The following CBL variants were observed in gnomAD, a reference collection of about 807,000 sequenced individuals.
CBL encodes E3 ubiquitin-protein ligase CBL.
In CBL, 45 loss-of-function variants were observed where a neutral mutation model predicts 96.9. The ratio of observed to expected loss-of-function variants is 0.46; its 90% CI spans 0.37 to 0.60. The LOEUF (loss-of-function observed/expected upper bound fraction) is 0.60, where lower values mean the gene tolerates loss of function less well. Ranked by LOEUF, CBL falls within the 20% of genes least tolerant of loss-of-function variation. The pLI is 0.00. For synonymous variants in CBL, 420 were observed against 426.8 expected (o/e 0.98, Z 0.20); for missense variants, 1,024 against 1,143.5 (o/e 0.90, Z 1.51).
intron 2 of CBL, among the ~76,000 whole-genome samples, chr11:119,270,468 A>T (rs1225337609): frequency 2.2e-5 from 1 of 45,402 alleles, no homozygotes. Flanking sequence ...TTTTTTTGAG[A>T]CGGAGTCTCG....
intron 1 of CBL, among the ~76,000 whole-genome samples, chr11:119,218,424 A>G (rs142518490): frequency 2.6e-5 from 4 of 152,304 alleles, no homozygotes; most frequent in Admixed American, 2.6e-4. Flanking sequence ...ATACTAAAAC[A>G]TTTACAGTAG....
At chr11:119,216,617 G>C (rs2135253084) in intron 1 of CBL, among the ~76,000 whole-genome samples, 2 of 152,154 alleles carry the variant, frequency 1.3e-5, no homozygotes, top group African/African-American at 4.8e-5. Flanking sequence ...TGATCCGCCT[G>C]CCTCGGCCTC....
intron 1 of CBL, among the ~76,000 whole-genome samples, chr11:119,206,912 G>A (rs1325105751): frequency 6.6e-6 from 1 of 152,122 alleles, no homozygotes; most frequent in East Asian, 1.9e-4. Context: ...CAGTGGGGCG[G>A]AAGTACAATG....
intron 1 of CBL, among the ~76,000 whole-genome samples, chr11:119,212,411 A>T (rs991108112): frequency 2.0e-5 from 3 of 151,484 alleles, no homozygotes; most frequent in Non-Finnish European, 4.4e-5. Flanking sequence ...GGATCACCTG[A>T]GGTCAGGAGT....
At chr11:119,227,541 C>T (rs1479527438) in intron 1 of CBL, among the ~76,000 whole-genome samples, 1 of 151,704 alleles carries the variant, frequency 6.6e-6, no homozygotes, top group Non-Finnish European at 1.5e-5. Context: ...CTATAGTGAA[C>T]CTTATAATTT....
intron 12 of CBL, chr11:119,289,416 C>G (rs1380469992): frequency 6.6e-6 from 1 of 151,986 alleles, no homozygotes; most frequent in Non-Finnish European, 1.5e-5. Context: ...TTTATTATAA[C>G]CAAATACCTC....
At chr11:119,242,712 C>T (rs1214055788) in intron 2 of CBL, among the ~76,000 whole-genome samples, 1 of 143,232 alleles carries the variant, frequency 7.0e-6, no homozygotes, top group Non-Finnish European at 1.5e-5. Context: ...GCACTATAGC[C>T]TTGGTGACTG....
At chr11:119,211,992 T>C (rs1949322630) in intron 1 of CBL, among the ~76,000 whole-genome samples, 1 of 152,196 alleles carries the variant, frequency 6.6e-6, no homozygotes, top group Non-Finnish European at 1.5e-5. Context: ...TGATCTCGGC[T>C]CACTGCAGCC....
Position 119,306,895 on chromosome 11 carries a change from A to G in CBL, c.*7114A>G, listed in dbSNP as rs1325151664. 1.3e-5 allele frequency: 3 copies of G among 230,042 alleles called. No homozygotes were observed. The Admixed American group carries it at 1.7e-4, about 13-fold the overall frequency. The allele number at this position is 230,042 out of a possible 1,614,324, so 14.3% of individuals were successfully genotyped here. On this transcript the variant is annotated 3_prime_UTR_variant, in exon 16 of 16. Coordinates refer to ENST00000264033, the MANE Select transcript of CBL (RefSeq NM_005188.4). ...GTGGTGACTTGGGATTTTTAACCTTATATATCTTTTTCCTTTACTCAAAAC... is the reference window on the plus strand; with the variant it reads ...GTGGTGACTTGGGATTTTTAACCTTGTATATCTTTTTCCTTTACTCAAAAC...
chr11:119,249,733 C>T (rs1592385920), intron 2 of CBL, among the ~76,000 whole-genome samples: 1 of 151,528 alleles, frequency 6.6e-6, no homozygotes, highest in East Asian at 1.9e-4. Context: ...TGACTCACTG[C>T]AGTCTCAGCC....
intron 1 of CBL, among the ~76,000 whole-genome samples, chr11:119,225,073 T>TGTGC (rs1555226182): frequency 6.0e-5 from 9 of 151,150 alleles, no homozygotes; most frequent in African/African-American, 2.2e-4. Context: ...TGTGTGTGTG[T>TGTGC]GCGCGCGCTT....
In CBL at chr11:119,242,785, A is replaced by G. The variant is rs149988101; in HGVS notation, c.443+10090A>G. Among the ~76,000 whole-genome samples, 14 of 151,576 alleles carry G rather than the reference A, an allele frequency of 9.2e-5. No individual in the cohort carries two copies. The East Asian group carries it at 2.5e-3, about 27-fold the overall frequency. ...AAGAAACCAGTTTGCTAGGCCTAAA[A>G]TAATTGTTTCTTTTGGCTTGCAAAA... On this transcript the variant is annotated intron_variant, in intron 2 of 15. Coordinates refer to ENST00000264033, the MANE Select transcript of CBL (RefSeq NM_005188.4).
At chr11:119,294,420 G>A (rs1282099798) in intron 12 of CBL, among the ~76,000 whole-genome samples, 8 of 144,328 alleles carry the variant, frequency 5.5e-5, no homozygotes, top group African/African-American at 1.8e-4. Flanking sequence ...CTGAGTCTCC[G>A]TCTCCAAAAA....
rs398017760 is a variant in CBL, at chr11:119,283,625, C to CTTTTTTT, written c.1432-1320_1432-1314dup. The stretch of plus-strand genomic sequence containing the variant: ...AAATATTAATCCTTTTTAATTCTTT[C>CTTTTTTT]TTTTTTTTTTTTTTTTTTTTTTTTT... On this transcript the variant is annotated intron_variant, in intron 9 of 15. Transcript: ENST00000264033. Among the ~76,000 whole-genome samples the CTTTTTTT allele has an allele frequency of 2.0e-3, 90 of 45,536 alleles. 8 individuals are homozygous for CTTTTTTT. Among genetic ancestry groups the CTTTTTTT allele is most frequent in the East Asian group, 3.4e-3 (5 of 1,472 alleles). 29.9% of individuals were successfully genotyped at this position (45,536 alleles called of 152,430 possible).
At chr11:119,211,915 T>A in intron 1 of CBL, among the ~76,000 whole-genome samples, 1 of 152,082 alleles carries the variant, frequency 6.6e-6, no homozygotes, top group East Asian at 1.9e-4. Context: ...TTTATTTTTA[T>A]TTTATTTTTT....
intron 2 of CBL, among the ~76,000 whole-genome samples, chr11:119,242,537 CAAAA>C (rs71048052): frequency 6.5e-5 from 5 of 76,372 alleles, no homozygotes; most frequent in Non-Finnish European, 9.7e-5. Flanking sequence ...GACTCCATCT[CAAAA>C]AAAAAAAAAA....
At chr11:119,215,590 C>T (rs191236531) in intron 1 of CBL, among the ~76,000 whole-genome samples, 4 of 151,078 alleles carry the variant, frequency 2.6e-5, no homozygotes, top group African/African-American at 4.9e-5. Flanking sequence ...CGTTTAAACC[C>T]GCCCGGGAGG....
intron 11 of CBL, among the ~76,000 whole-genome samples, chr11:119,286,254 A>G (rs1273944991): frequency 6.6e-6 from 1 of 152,132 alleles, no homozygotes. Flanking sequence ...AGCTGAGATC[A>G]GGTGATTGCA....
intron 1 of CBL, among the ~76,000 whole-genome samples, chr11:119,232,113 T>G (rs549344296): frequency 6.6e-6 from 1 of 152,132 alleles, no homozygotes; most frequent in African/African-American, 2.4e-5. Flanking sequence ...ATAAAAATAT[T>G]GTGGGGATCA....
Sources: gnomAD v4.1 joint callset for allele counts (sites outside exome capture counted in the v4.1 genomes callset) on GRCh38, gnomAD v4.1.1 for gene constraint, MANE v1.5 for transcripts, NCBI Gene and HGNC (gene_info 2026-07-23, HGNC 2026-07-21) for gene names.